The following WHAMM variants were observed in gnomAD, a reference collection of about 807,000 sequenced individuals.
WHAMM encodes the protein WASP homolog-associated protein with actin, membranes and microtubules.
WHAMM carries 67 observed loss-of-function variants against 76.5 expected under a neutral mutation model. That is an observed-to-expected ratio of 0.88 (90% CI 0.72 to 1.07). The LOEUF (loss-of-function observed/expected upper bound fraction) is 1.07. Ranked by LOEUF, WHAMM falls within the 50% of genes least tolerant of loss-of-function variation. WHAMM has a pLI of 0.00. For missense variants in WHAMM, 1,021 were observed against 1,051.1 expected (o/e 0.97, Z 0.40); for synonymous variants, 419 against 422.1 (o/e 0.99, Z 0.09).
chr15:82,816,416 G>A (rs1261021856), intron 2 of WHAMM, among the ~76,000 whole-genome samples: 2 of 152,104 alleles, frequency 1.3e-5, no homozygotes, highest in Non-Finnish European at 2.9e-5. Context: ...AGCATAAGTT[G>A]ACAACATTCC....
In WHAMM at chr15:82,809,643, T is replaced by C. The variant is rs978041900; in HGVS notation, c.-84T>C. The C allele has an allele frequency of 3.4e-5, 39 of 1,161,986 alleles. No homozygotes were observed. The highest frequency in any genetic ancestry group is 4.2e-5 in the Non-Finnish European group (38 of 906,178). 72.0% of individuals were successfully genotyped at this position (1,161,986 alleles called of 1,614,324 possible). A position where few individuals can be genotyped will look rare whatever the true frequency, so the allele number is the denominator to read the frequency against. ...GGTTTCGATTCTAGCGAAAAATGATTTGGCTCGGACTGTCCCGTGACAGGC... is the reference window on the plus strand; with the variant it reads ...GGTTTCGATTCTAGCGAAAAATGATCTGGCTCGGACTGTCCCGTGACAGGC... On this transcript the variant is annotated 5_prime_UTR_variant, in exon 1 of 10. Transcript: ENST00000286760.
Position 82,818,105 on chromosome 15 carries a change from A to G in WHAMM, c.1104+16A>G. 6.5e-7 allele frequency: 1 copy of G among 1,527,944 alleles called. No homozygotes were observed. Among genetic ancestry groups the G allele is most frequent in the South Asian group, 1.2e-5 (1 of 81,492 alleles). The allele number at this position is 1,527,944 out of a possible 1,614,324, so 94.6% of individuals were successfully genotyped here. On this transcript the variant is annotated intron_variant, in intron 4 of 9. Transcript: ENST00000286760. The stretch of plus-strand genomic sequence containing the variant: ...TCAGGGAAAGGTAAGACAAAGATAA[A>G]CATAACTTTGTTTTAAAAATACACT...
At chr15:82,820,768 G>A (rs574793195) in intron 5 of WHAMM, among the ~76,000 whole-genome samples, 30 of 151,964 alleles carry the variant, frequency 2.0e-4, no homozygotes, top group African/African-American at 6.8e-4. Context: ...GATGGTAGGC[G>A]CCTGTAATCC....
chr15:82,829,079 A>G (rs1052482665), intron 8 of WHAMM, among the ~76,000 whole-genome samples: 1 of 152,244 alleles, frequency 6.6e-6, no homozygotes, highest in African/African-American at 2.4e-5. Context: ...GTGATGCATG[A>G]TATCTATTGC....
chr15:82,810,474 G>A (rs903376328), intron 1 of WHAMM, 139 bp downstream of exon 1: 19 of 1,224,920 alleles, frequency 1.6e-5, no homozygotes, highest in African/African-American at 3.2e-5. Context: ...GGGCTCCCCA[G>A]TGCCGTCACC....
At chr15:82,830,300 T>C (rs1440179588) in intron 8 of WHAMM, among the ~76,000 whole-genome samples, 2 of 152,192 alleles carry the variant, frequency 1.3e-5, no homozygotes, top group African/African-American at 2.4e-5. Flanking sequence ...ATTCGTATTT[T>C]AGCATTTCTA....
At position 82,833,247 on chromosome 15, in the gene WHAMM, T is replaced by C; in HGVS notation, c.2141T>C (p.Leu714Ser). 1 of 1,613,874 alleles carries C rather than the reference T, an allele frequency of 6.2e-7. No individual in the cohort carries two copies. Among genetic ancestry groups the C allele is most frequent in the East Asian group, 2.2e-5 (1 of 44,892 alleles). ...ATTTCAGGATCTATGGATGAAGTGTTGGCCTCCTTAAGGCATGGCAGAGCT... is the reference window on the plus strand; with the variant it reads ...ATTTCAGGATCTATGGATGAAGTGTCGGCCTCCTTAAGGCATGGCAGAGCT... ...FSCPGSMDEVLASLRHGRAPL... is the reference protein window; with the variant it reads ...FSCPGSMDEVSASLRHGRAPL... Residue 714 changes from leucine to serine, a missense_variant, in exon 10 of 10, where the codon TTG (leucine) becomes TCG (serine). This residue lies in a region of WHAMM where 509 missense variants were observed against 492.3 expected (regional missense o/e 1.03). Transcript: ENST00000286760.
intron 6 of WHAMM, among the ~76,000 whole-genome samples, chr15:82,824,183 A>C (rs986367309): frequency 6.8e-5 from 3 of 43,970 alleles, no homozygotes; most frequent in African/African-American, 2.1e-4. Flanking sequence ...TTTGAAACAG[A>C]GTCTCGCTCT....
At chr15:82,823,611 G>A (rs1394453331) in intron 6 of WHAMM, among the ~76,000 whole-genome samples, 1 of 152,094 alleles carries the variant, frequency 6.6e-6, no homozygotes, top group African/African-American at 2.4e-5. Flanking sequence ...TGTCACCCAG[G>A]CTAGAGTGCA....
intron 6 of WHAMM, among the ~76,000 whole-genome samples, chr15:82,825,297 C>T (rs1035750413): frequency 6.6e-6 from 1 of 152,158 alleles, no homozygotes; most frequent in Non-Finnish European, 1.5e-5. Context: ...GGAAGACTCT[C>T]CTTTGGCACT....
At chr15:82,824,219 G>T (rs1363484619) in intron 6 of WHAMM, among the ~76,000 whole-genome samples, 2 of 134,386 alleles carry the variant, frequency 1.5e-5, no homozygotes, top group African/African-American at 5.5e-5. Flanking sequence ...GTGCAATGGC[G>T]CAATCTCAGC....
chr15:82,833,686 ATT>A lies in WHAMM; in HGVS notation c.*163_*164del, dbSNP rs367874690. On this transcript the variant is annotated 3_prime_UTR_variant, in exon 10 of 10. Transcript: ENST00000286760. ...AGGGCCTTGTGTAGGCTGCTGCAGCATTTTTTTTTTTTTTCTTTTTTGAGATG... is the reference window on the plus strand; with the variant it reads ...AGGGCCTTGTGTAGGCTGCTGCAGCATTTTTTTTTTTTCTTTTTTGAGATG... 3.2e-3 allele frequency: 2,129 copies of A among 665,484 alleles called. No homozygotes were observed. The highest frequency in any genetic ancestry group is 3.9e-3 in the South Asian group (160 of 41,306). 41.2% of individuals were successfully genotyped at this position (665,484 alleles called of 1,614,324 possible).
At position 82,833,371 on chromosome 15, in the gene WHAMM, A is replaced by C; in HGVS notation, c.2265A>C (p.Lys755Asn). 1 of 1,614,046 alleles carries C rather than the reference A, an allele frequency of 6.2e-7. No individual in the cohort carries two copies. Among genetic ancestry groups the C allele is most frequent in the Non-Finnish European group, 8.5e-7 (1 of 1,179,898 alleles). The change falls in exon 10 of 10, where the codon AAA becomes AAC. Residue 755 changes from lysine to asparagine, a missense_variant. Lys to Asn is a moderately conservative substitution (Grantham distance 94). This residue lies in a region of WHAMM where 509 missense variants were observed against 492.3 expected (regional missense o/e 1.03). Transcript: ENST00000286760. The part of the protein sequence containing the change: ...AAIRQGVKLK[K>N]VHPDLGPNPS... ...TAAGGCAAGGGGTCAAACTGAAGAA[A>C]GTTCACCCTGATCTTGGCCCAAACC...
intron 9 of WHAMM, 97 bp from the exon 10 acceptor site, chr15:82,833,132 T>C: frequency 7.7e-7 from 1 of 1,304,362 alleles, no homozygotes; most frequent in Non-Finnish European, 1.0e-6. Context: ...TAAATCATGG[T>C]GTTAACTGAT....
Position 82,817,923 on chromosome 15 carries a change from T to G in WHAMM, c.938T>G (p.Met313Arg). The change falls in exon 4 of 10, where the codon ATG (methionine) becomes AGG (arginine). Residue 313 changes from methionine (M) to arginine (R), a missense_variant. Met to Arg is a moderately conservative substitution (Grantham distance 91, BLOSUM62 -1). Transcript: ENST00000286760. ...TTTTATTTTTATAATCCAACAGGAA[T>G]GCAGAAAGAAATGGAACAGGATGCG... The part of the protein sequence containing the change: ...FKETVKALAG[M>R]QKEMEQDAKR... 2 of 1,521,190 alleles carry G rather than the reference T, an allele frequency of 1.3e-6. No homozygotes were observed. The highest frequency in any genetic ancestry group is 2.5e-5 in the South Asian group (2 of 79,822). 94.2% of individuals were successfully genotyped at this position (1,521,190 alleles called of 1,614,324 possible). A position where few individuals can be genotyped will look rare whatever the true frequency, so the allele number is the denominator to read the frequency against.
At chr15:82,815,155 A>ATATATAAT (rs55807384) in intron 2 of WHAMM, among the ~76,000 whole-genome samples, 4,399 of 45,852 alleles carry the variant, frequency 0.096, 545 homozygotes, top group Admixed American at 0.11. Flanking sequence ...ATATATATAT[A>ATATATAAT]GTACAATTCA....
chr15:82,834,498 G>C lies in WHAMM; in HGVS notation c.*962G>C. The stretch of plus-strand genomic sequence containing the variant: ...TTCTCACCATGGCTGATCTAGAATT[G>C]TTCCCTGATTCTGAAAGAAGTTTAC... On this transcript the variant is annotated 3_prime_UTR_variant, in exon 10 of 10. Transcript: ENST00000286760. 1 of 152,642 alleles carries C rather than the reference G, an allele frequency of 6.6e-6. No homozygotes were observed. Among genetic ancestry groups the C allele is most frequent in the Non-Finnish European group, 1.5e-5 (1 of 68,044 alleles). The allele number at this position is 152,642 out of a possible 1,614,324, so 9.5% of individuals were successfully genotyped here.
intron 2 of WHAMM, among the ~76,000 whole-genome samples, chr15:82,815,590 A>G (rs117674012): frequency 0.01 from 1,594 of 152,290 alleles, 6 homozygotes; most frequent in Non-Finnish European, 0.016. Flanking sequence ...AAGGAGTAGG[A>G]TTGCTGGGTC....
intron 7 of WHAMM, 110 bp from the exon 8 acceptor site, chr15:82,826,641 G>A (rs1176551114): frequency 6.4e-6 from 10 of 1,555,754 alleles, no homozygotes; most frequent in Non-Finnish European, 1.7e-6. Context: ...CAGCCTTGGG[G>A]TGGTAATGTT....
Sources: allele counts gnomAD v4.1 joint callset (sites outside exome capture counted in the v4.1 genomes callset), GRCh38; gene constraint gnomAD v4.1.1; regional missense constraint gnomAD v4.1.1; transcripts MANE v1.5; gene names NCBI Gene and HGNC (gene_info 2026-07-23, HGNC 2026-07-21).